Variants in TBC1D2B observed in about 807,000 individuals in gnomAD.
TBC1D2B encodes TBC1 domain family, member 2B.
In TBC1D2B, 64 loss-of-function variants were observed where a neutral mutation model predicts 100.8. That is an observed-to-expected ratio of 0.64 (90% CI 0.52 to 0.78). The LOEUF is 0.78. Among genes scored for constraint, TBC1D2B ranks in the 30% least tolerant of loss-of-function variants. The probability of loss-of-function intolerance (pLI) is 0.00; values close to 1 mark genes in which losing one functional copy is unlikely to be tolerated. For missense variants in TBC1D2B, 1,052 were observed against 1,218.4 expected, an observed-to-expected ratio of 0.86 and a Z score of 2.03; for synonymous variants, 480 against 479.7, an observed-to-expected ratio of 1.00 and a Z score of -0.01.
At position 78,013,063 on chromosome 15, in the gene TBC1D2B, T is replaced by C; in HGVS notation, c.2030A>G (p.Asp677Gly). 1 of 1,613,988 alleles carries C rather than the reference T, an allele frequency of 6.2e-7. No homozygotes were observed. Among genetic ancestry groups the C allele is most frequent in the Non-Finnish European group, 8.5e-7 (1 of 1,179,876 alleles). The change falls in exon 9 of 13, where the codon GAC (aspartate) becomes GGC (glycine). Residue 677 changes from aspartate to glycine, a missense_variant. Coordinates refer to ENST00000300584, the MANE Select transcript of TBC1D2B (RefSeq NM_144572.2). ...GTCCTTGAACTTCCTGGTGTGACGG[T>C]CCACACACCACTTCCACACCTTGGA... is the stretch of plus-strand genomic sequence containing the variant. The part of the protein sequence containing the change: ...HRSKVWKWCV[D>G]RHTRKFKDNT...
At chr15:78,030,836 A>G (rs1019152323) in intron 3 of TBC1D2B, among the ~76,000 whole-genome samples, 1 of 152,250 alleles carries the variant, frequency 6.6e-6, no homozygotes, top group Admixed American at 6.5e-5. Flanking sequence ...CTAAACATTC[A>G]TGAACAGGAG....
intron 1 of TBC1D2B, among the ~76,000 whole-genome samples, chr15:78,076,415 T>C (rs1465986073): frequency 2.6e-5 from 4 of 152,152 alleles, no homozygotes; most frequent in Non-Finnish European, 4.4e-5. Context: ...GAAAATGTAG[T>C]GGACTGTCTC....
chr15:78,027,969 GCTC>G (rs142115367), intron 4 of TBC1D2B, among the ~76,000 whole-genome samples: 8,148 of 152,242 alleles, frequency 0.054, 275 homozygotes, highest in Middle Eastern at 0.13. Flanking sequence ...GCACAGGTAA[GCTC>G]CCTCTCACAG....
chr15:78,076,058 G>C (rs530070402), intron 1 of TBC1D2B, among the ~76,000 whole-genome samples: 76 of 152,234 alleles, frequency 5.0e-4, no homozygotes, highest in Admixed American at 2.0e-3. Flanking sequence ...AACCAGGCAG[G>C]GAGCAAAGCC....
chr15:78,022,418 G>A lies in TBC1D2B; in HGVS notation c.1470+1738C>T, dbSNP rs372859871. ...TTTTCATTAAGTAATCCCAAAATGTGTATTATTGATGGGTATATATTTAGG... is the reference window on the plus strand; with the variant it reads ...TTTTCATTAAGTAATCCCAAAATGTATATTATTGATGGGTATATATTTAGG... On this transcript the variant is annotated intron_variant, in intron 6 of 12. Transcript: ENST00000300584. Among the ~76,000 whole-genome samples the A allele has an allele frequency of 2.0e-5, 3 of 152,004 alleles. No individual in the cohort carries two copies. The East Asian group carries it at 5.8e-4, about 29-fold the overall frequency.
At chr15:78,025,593 G>T in intron 4 of TBC1D2B, 96 bp from the exon 5 acceptor site, 1 of 907,310 alleles carries the variant, frequency 1.1e-6, no homozygotes. Flanking sequence ...GTGGCGCAAT[G>T]TCGGCTCACT....
At chr15:78,026,735 G>C (rs1297041740) in intron 4 of TBC1D2B, among the ~76,000 whole-genome samples, 1 of 151,966 alleles carries the variant, frequency 6.6e-6, no homozygotes, top group Non-Finnish European at 1.5e-5. Context: ...GACCAACATG[G>C]AGAAACCCTG....
chr15:78,069,098 A>G (rs2073706035), intron 1 of TBC1D2B, among the ~76,000 whole-genome samples: 1 of 145,822 alleles, frequency 6.9e-6, no homozygotes, highest in African/African-American at 2.8e-5. Context: ...GCTCAAAGGT[A>G]AAAGCAACTG....
chr15:78,022,472 A>T lies in TBC1D2B; in HGVS notation c.1470+1684T>A, dbSNP rs562505266. 1.1e-4 allele frequency among the ~76,000 whole-genome samples: 16 copies of T among 152,348 alleles called. 1 individual carries two copies. The South Asian group carries it at 3.3e-3, about 32-fold the overall frequency. On this transcript the variant is annotated intron_variant, in intron 6 of 12. Transcript: ENST00000300584. ...ATGTATATTCAATGTTGTGTACATT[A>T]AAAAACCCAACTTCCATTGGCAATG...
chr15:78,047,779 G>A (rs2073228360), intron 2 of TBC1D2B, among the ~76,000 whole-genome samples: 1 of 152,178 alleles, frequency 6.6e-6, no homozygotes, highest in Non-Finnish European at 1.5e-5. Context: ...AGAGATGAGT[G>A]TACCTACTAG....
Position 78,024,183 on chromosome 15 carries a change from C to T in TBC1D2B, c.1443G>A (p.Arg481=). 6.2e-7 allele frequency: 1 copy of T among 1,613,392 alleles called. No individual in the cohort carries two copies. The highest frequency in any genetic ancestry group is 1.1e-5 in the South Asian group (1 of 91,044). The change falls in exon 6 of 13, where the codon AGG becomes AGA. Residue 481 remains arginine (R), a synonymous_variant. Transcript: ENST00000300584. ...PSSPSVVPVA[R]DQLELDRLKD... is the part of the protein sequence containing the mutation. Reference sequence around the variant, plus strand: ...TCAGCCTGTCCAGTTCCAGCTGGTCCCTGGCAACAGGCACAACCGAAGGGG... The same window carrying T: ...TCAGCCTGTCCAGTTCCAGCTGGTCTCTGGCAACAGGCACAACCGAAGGGG...
At chr15:78,042,937 G>A (rs1322440862) in intron 3 of TBC1D2B, among the ~76,000 whole-genome samples, 1 of 152,166 alleles carries the variant, frequency 6.6e-6, no homozygotes, top group East Asian at 1.9e-4. Flanking sequence ...AATGGGAGCA[G>A]AGCAGGACCA....
chr15:78,003,284 A>G (rs1382434090), intron 11 of TBC1D2B, 21 bp downstream of exon 11: 2 of 1,608,232 alleles, frequency 1.2e-6, no homozygotes, highest in African/African-American at 1.3e-5. Flanking sequence ...ATCTGAAAAT[A>G]GCTGAGCTGA....
intron 1 of TBC1D2B, chr15:78,066,056 T>G (rs758185540): frequency 5.5e-5 from 26 of 470,892 alleles, no homozygotes; most frequent in African/African-American, 4.2e-4. Flanking sequence ...TCATTGCAAT[T>G]CACCCTCCCA....
rs774397112 is a variant in TBC1D2B at position 78,013,268 on chromosome 15, C to G, written c.1825G>C (p.Glu609Gln). Residue 609 changes from glutamate (E) to glutamine (Q), a missense_variant, in exon 9 of 13, where the codon GAG (glutamate) becomes CAG (glutamine). Around this residue, in one of 4 missense-constraint regions of TBC1D2B, gnomAD observed 373 missense variants for 464.9 expected, o/e 0.80. Coordinates refer to ENST00000300584, the MANE Select transcript of TBC1D2B (RefSeq NM_144572.2). ...GCGCGGACCTTGGCAACCAATTTCTCTTCCTCATCATCCTCAGGTACAGTC... is the reference window on the plus strand; with the variant it reads ...GCGCGGACCTTGGCAACCAATTTCTGTTCCTCATCATCCTCAGGTACAGTC... ...FRTVPEDDEE[E>Q]KLVAKVRALD... The G allele has an allele frequency of 5.6e-6, 9 of 1,614,000 alleles. No homozygotes were observed. The highest frequency in any genetic ancestry group is 7.6e-6 in the Non-Finnish European group (9 of 1,179,880).
Position 78,001,517 on chromosome 15 carries a change from G to A in TBC1D2B, c.2696+102C>T, listed in dbSNP as rs1439595345. 2.2e-6 allele frequency: 3 copies of A among 1,381,186 alleles called. No individual in the cohort carries two copies. The African/African-American group carries it at 4.4e-5, about 20-fold the overall frequency. The allele number at this position is 1,381,186 out of a possible 1,614,324, so 85.6% of individuals were successfully genotyped here. A position where few individuals can be genotyped will look rare whatever the true frequency, so the allele number is the denominator to read the frequency against. ...TGCCCTCTCCAACACTGTACACCGGGGATGGCTCTGAGTTGGAAGACAGCA... is the reference window on the plus strand; with the variant it reads ...TGCCCTCTCCAACACTGTACACCGGAGATGGCTCTGAGTTGGAAGACAGCA... On this transcript the variant is annotated intron_variant, in intron 12 of 12. Transcript: ENST00000300584.
rs752086483 is a variant in TBC1D2B, at chr15:78,001,673, G to A, written c.2642C>T (p.Ser881Leu). ...GCGGAGATACTTAAATATAGACATC[G>A]AATCTTGCAATTTCAAAATCTCCTC... ...KEEEILKLQDSMSIFKYLRYF... is the reference protein window; with the variant it reads ...KEEEILKLQDLMSIFKYLRYF... The change falls in exon 12 of 13, where the codon TCG (serine) becomes TTG (leucine). Residue 881 changes from serine (S) to leucine (L), a missense_variant. Transcript: ENST00000300584. The A allele has an allele frequency of 2.0e-5, 32 of 1,607,908 alleles. No homozygotes were observed. The highest frequency in any genetic ancestry group is 4.5e-5 in the South Asian group (4 of 89,710).
rs1490806681 is a variant in TBC1D2B, at chr15:78,077,521, C to G, written c.132G>C (p.Leu44=). 3 of 1,522,588 alleles carry G rather than the reference C, an allele frequency of 2.0e-6. No individual in the cohort carries two copies. In the South Asian group the frequency reaches 3.7e-5, roughly 19 times the overall value. 94.3% of individuals were successfully genotyped at this position (1,522,588 alleles called of 1,614,324 possible). Residue 44 remains leucine, a synonymous_variant, in exon 1 of 13, where the codon CTG becomes CTC. Coordinates refer to ENST00000300584, the MANE Select transcript of TBC1D2B (RefSeq NM_144572.2). ...AGCCACGCAGGGGGCCCTTGCCCGACAGCTTCTGCAGATAGCCACACAGCC... is the reference window on the plus strand; with the variant it reads ...AGCCACGCAGGGGGCCCTTGCCCGAGAGCTTCTGCAGATAGCCACACAGCC... ...PARLCGYLQK[L]SGKGPLRGYR...
chr15:78,040,890 GAGAGAA>G (rs1193523624), intron 3 of TBC1D2B, among the ~76,000 whole-genome samples: 6 of 147,744 alleles, frequency 4.1e-5, no homozygotes, highest in South Asian at 2.2e-4. Flanking sequence ...AAGAGAGAGA[GAGAGAA>G]AGAAAGAAAG....
Sources: gnomAD v4.1 joint callset for allele counts (sites outside exome capture counted in the v4.1 genomes callset) on GRCh38, gnomAD v4.1.1 for gene constraint, gnomAD v4.1.1 regional missense constraint, MANE v1.5 for transcripts, NCBI Gene and HGNC (gene_info 2026-07-23, HGNC 2026-07-21) for gene names.